The following MTHFD2L variants were observed in gnomAD, a reference collection of about 807,000 sequenced individuals.
MTHFD2L encodes the protein methylenetetrahydrofolate dehydrogenase (NADP+ dependent) 2 like, also known as bifunctional methylenetetrahydrofolate dehydrogenase/cyclohydrolase 2, mitochondrial.
In MTHFD2L, 29 loss-of-function variants were observed where a neutral mutation model predicts 34.9. The observed-to-expected ratio is 0.83, with a 90% CI of 0.62 to 1.13. The LOEUF is 1.13. MTHFD2L is among the 50% of genes most tolerant of loss of function. MTHFD2L has a pLI of 0.00. For synonymous variants in MTHFD2L, 167 were observed against 155.7 expected, an observed-to-expected ratio of 1.07 and a Z score of -0.54; for missense variants, 481 against 446.5, an observed-to-expected ratio of 1.08 and a Z score of -0.70.
intron 7 of MTHFD2L, among the ~76,000 whole-genome samples, chr4:74,288,683 G>A (rs573756540): frequency 6.6e-6 from 1 of 152,180 alleles, no homozygotes; most frequent in Non-Finnish European, 1.5e-5. Context: ...TTTTTCTGAG[G>A]TTTTGGTGAA....
chr4:74,270,566 A>G (rs572750948), intron 6 of MTHFD2L, among the ~76,000 whole-genome samples: 2 of 152,258 alleles, frequency 1.3e-5, no homozygotes, highest in Admixed American at 6.5e-5. Context: ...AATCCAGTCT[A>G]TCATTAATGG....
At chr4:74,283,374 C>G (rs563933210) in intron 7 of MTHFD2L, among the ~76,000 whole-genome samples, 7 of 152,126 alleles carry the variant, frequency 4.6e-5, no homozygotes, top group African/African-American at 1.7e-4. Flanking sequence ...CACATATACT[C>G]ACTTCATGTC....
At chr4:74,215,811 G>A (rs1248944575) in intron 5 of MTHFD2L, among the ~76,000 whole-genome samples, 1 of 151,662 alleles carries the variant, frequency 6.6e-6, no homozygotes, top group African/African-American at 2.4e-5. Flanking sequence ...CTAAATATAG[G>A]CATATTATTA....
upstream of MTHFD2L, chr4:74,157,744 G>A (rs1008685084): frequency 1.9e-5 from 9 of 471,456 alleles, no homozygotes; most frequent in African/African-American, 1.8e-4. Context: ...TAGTCACGGA[G>A]ACTGTTGGGC....
At chr4:74,151,413 T>A (rs530499767) in intron 1 of MTHFD2L, among the ~76,000 whole-genome samples, 18 of 152,318 alleles carry the variant, frequency 1.2e-4, no homozygotes, top group African/African-American at 4.1e-4. Flanking sequence ...ACCTTAGCGA[T>A]GTAGCATGCA....
At chr4:74,155,276 GA>G (rs1478547698), upstream of MTHFD2L, among the ~76,000 whole-genome samples, 1 of 151,958 alleles carries the variant, frequency 6.6e-6, no homozygotes, top group Admixed American at 6.6e-5. Flanking sequence ...TTCCTTCCTG[GA>G]AACCACCAAC....
intron 6 of MTHFD2L, among the ~76,000 whole-genome samples, chr4:74,227,806 A>G (rs1045594273): frequency 2.0e-5 from 3 of 152,142 alleles, no homozygotes; most frequent in Non-Finnish European, 4.4e-5. Context: ...ATCAGACCTC[A>G]TGTCTGCAGT....
chr4:74,136,668 G>A (rs1031489729), intron 1 of MTHFD2L, among the ~76,000 whole-genome samples: 1 of 151,974 alleles, frequency 6.6e-6, no homozygotes, highest in Non-Finnish European at 1.5e-5. Flanking sequence ...AATAGCCAAA[G>A]CAATCCTGAA....
At chr4:74,118,504 T>C (rs956097557), upstream of MTHFD2L, among the ~76,000 whole-genome samples, 5 of 152,200 alleles carry the variant, frequency 3.3e-5, no homozygotes, top group Non-Finnish European at 7.4e-5. Context: ...TGTGTTAAAG[T>C]CTGAACTCTC....
chr4:74,200,070 A>G, intron 4 of MTHFD2L, 124 bp downstream of exon 4: 1 of 784,954 alleles, frequency 1.3e-6, no homozygotes, highest in Non-Finnish European at 2.0e-6. Context: ...ATAAAACGTC[A>G]GTGTACAGAG....
intron 1 of MTHFD2L, chr4:74,161,038 T>A (rs1290498996): frequency 6.6e-6 from 1 of 152,226 alleles, no homozygotes. Flanking sequence ...GATTCTCTTT[T>A]TTGTCTTCAT....
At chr4:74,249,021 A>T (rs1201535240) in intron 6 of MTHFD2L, among the ~76,000 whole-genome samples, 2 of 152,170 alleles carry the variant, frequency 1.3e-5, no homozygotes, top group African/African-American at 4.8e-5. Context: ...GCTGAGTTCA[A>T]TTCCTGGGTA....
intron 6 of MTHFD2L, among the ~76,000 whole-genome samples, chr4:74,234,198 C>T (rs1426979245): frequency 6.6e-6 from 1 of 151,904 alleles, no homozygotes; most frequent in Non-Finnish European, 1.5e-5. Flanking sequence ...TTGATATTAT[C>T]ACTTTGTTAT....
intron 1 of MTHFD2L, among the ~76,000 whole-genome samples, chr4:74,142,168 T>A (rs1321285518): frequency 6.6e-5 from 10 of 152,226 alleles, no homozygotes; most frequent in Non-Finnish European, 4.4e-5. Context: ...AGAGCATAGC[T>A]GCACTACAAA....
At chr4:74,275,536 T>C (rs1746504344) in intron 6 of MTHFD2L, among the ~76,000 whole-genome samples, 1 of 152,196 alleles carries the variant, frequency 6.6e-6, no homozygotes, top group African/African-American at 2.4e-5. Flanking sequence ...TCTTCCACAA[T>C]GGTTGAACTA....
chr4:74,120,406 T>C (rs901877615), upstream of MTHFD2L, among the ~76,000 whole-genome samples: 2 of 152,246 alleles, frequency 1.3e-5, no homozygotes, highest in Admixed American at 1.3e-4. Flanking sequence ...TGCACTTTTG[T>C]TGCCAACTAA....
chr4:74,279,100 C>T (rs1337966838), intron 6 of MTHFD2L, among the ~76,000 whole-genome samples: 2 of 151,880 alleles, frequency 1.3e-5, no homozygotes, highest in Non-Finnish European at 2.9e-5. Flanking sequence ...CACAAATGAC[C>T]ATCACTGTAT....
chr4:74,266,854 A>C, intron 6 of MTHFD2L: 3 of 985,326 alleles, frequency 3.0e-6, no homozygotes, highest in Non-Finnish European at 3.6e-6. Flanking sequence ...TAAGAGGGGA[A>C]TACTAGGGAT....
chr4:74,127,050 C>A (rs1722130766), intron 1 of MTHFD2L, among the ~76,000 whole-genome samples: 1 of 152,158 alleles, frequency 6.6e-6, no homozygotes, highest in Non-Finnish European at 1.5e-5. Context: ...CATTCTCTGT[C>A]CTGCCGCTCC....
Sources: gnomAD v4.1 joint callset for allele counts (sites outside exome capture counted in the v4.1 genomes callset) on GRCh38, gnomAD v4.1.1 for gene constraint, MANE v1.5 for transcripts, NCBI Gene and HGNC (gene_info 2026-07-23, HGNC 2026-07-21) for gene names.